KIAA1217: variants seen among roughly 807,000 people sequenced by gnomAD.
KIAA1217 encodes the protein sickle tail protein homolog.
A neutral mutation model predicts 163.9 loss-of-function variants in KIAA1217; 88 were observed. The ratio of observed to expected loss-of-function variants is 0.54; its 90% CI spans 0.45 to 0.64. The LOEUF (loss-of-function observed/expected upper bound fraction) is 0.64, where lower values mean the gene tolerates loss of function less well. Ranked by LOEUF, KIAA1217 falls within the 30% of genes least tolerant of loss-of-function variation. The pLI is 0.00. For missense variants in KIAA1217, 2,372 were observed against 2,475.0 expected, an observed-to-expected ratio of 0.96 and a Z score of 0.88; for synonymous variants, 903 against 923.1, an observed-to-expected ratio of 0.98 and a Z score of 0.39.
At chr10:23,993,806 C>T (rs1846338161) in intron 1 of KIAA1217, among the ~76,000 whole-genome samples, 1 of 151,914 alleles carries the variant, frequency 6.6e-6, no homozygotes, top group African/African-American at 2.4e-5. Context: ...TCTTGAACTC[C>T]AGACCTCAAG....
intron 2 of KIAA1217, among the ~76,000 whole-genome samples, chr10:24,372,308 AAAC>A (rs1321055222): frequency 1.3e-5 from 2 of 152,158 alleles, no homozygotes. Context: ...ACACATAAGA[AAAC>A]AACAACTGAG....
intron 1 of KIAA1217, among the ~76,000 whole-genome samples, chr10:23,988,192 G>A (rs527430530): frequency 7.9e-4 from 120 of 152,332 alleles, no homozygotes; most frequent in African/African-American, 2.8e-3. Flanking sequence ...GAGGGCTCCA[G>A]ATTAGTTTCT....
intron 3 of KIAA1217, among the ~76,000 whole-genome samples, chr10:24,392,201 A>C (rs188151186): frequency 4.6e-5 from 7 of 152,146 alleles, no homozygotes; most frequent in Admixed American, 4.6e-4. Flanking sequence ...GCATTATTAC[A>C]TGGATTGCAT....
chr10:24,229,411 G>A lies in KIAA1217; in HGVS notation c.354+9502G>A, dbSNP rs570349649. Among the ~76,000 whole-genome samples the A allele has an allele frequency of 4.9e-4, 74 of 152,306 alleles. 1 individual carries two copies. The highest frequency in any genetic ancestry group is 4.3e-3 in the Admixed American group (66 of 15,292). On this transcript the variant is annotated intron_variant, in intron 2 of 20. Coordinates refer to ENST00000376454, the MANE Select transcript of KIAA1217 (RefSeq NM_019590.5). ...TATTAATTTATTCTAATCCAATGGC[G>A]AAATGATGGGAGAATAGCCACATGT...
At chr10:23,974,322 G>A (rs1442211321) in intron 1 of KIAA1217, among the ~76,000 whole-genome samples, 1 of 152,176 alleles carries the variant, frequency 6.6e-6, no homozygotes, top group Non-Finnish European at 1.5e-5. Flanking sequence ...AGCCTCAAGA[G>A]ACCAGGGGCC....
chr10:23,929,915 C>A (rs533295852), intron 1 of KIAA1217, among the ~76,000 whole-genome samples: 1 of 152,240 alleles, frequency 6.6e-6, no homozygotes, highest in Admixed American at 6.5e-5. Flanking sequence ...AATTTATATT[C>A]CCACTGATAG....
At chr10:24,502,504 CA>C (rs2067795475) in intron 9 of KIAA1217, among the ~76,000 whole-genome samples, 1 of 152,080 alleles carries the variant, frequency 6.6e-6, no homozygotes, top group Non-Finnish European at 1.5e-5. Flanking sequence ...GTAAATCTGC[CA>C]AAGCAGAATA....
intron 2 of KIAA1217, among the ~76,000 whole-genome samples, chr10:24,074,241 C>T (rs529949397): frequency 6.6e-6 from 1 of 152,152 alleles, no homozygotes; most frequent in East Asian, 1.9e-4. Flanking sequence ...CCCAGTTACT[C>T]AGGAGGCTGA....
intron 1 of KIAA1217, among the ~76,000 whole-genome samples, chr10:23,736,403 C>G (rs1293801745): frequency 1.3e-5 from 2 of 152,152 alleles, no homozygotes; most frequent in African/African-American, 2.4e-5. Context: ...GCCGCCTTTG[C>G]CAAACATCAA....
At chr10:24,002,516 G>A (rs1000527442) in intron 1 of KIAA1217, among the ~76,000 whole-genome samples, 2 of 152,120 alleles carry the variant, frequency 1.3e-5, no homozygotes, top group Admixed American at 1.3e-4. Context: ...AGGCTCTGGC[G>A]GGGACCTCTG....
intron 2 of KIAA1217, chr10:24,255,495 A>G: frequency 4.4e-6 from 2 of 455,768 alleles, no homozygotes; most frequent in Middle Eastern, 3.3e-4. Context: ...ACATCTGGAC[A>G]TGAAGACCCA....
chr10:24,327,464 C>T (rs1185402684), intron 2 of KIAA1217, among the ~76,000 whole-genome samples: 1 of 151,966 alleles, frequency 6.6e-6, no homozygotes, highest in African/African-American at 2.4e-5. Context: ...ATTAATGTCT[C>T]TTCAATACTC....
At chr10:24,264,450 T>C (rs1194053793) in intron 2 of KIAA1217, among the ~76,000 whole-genome samples, 1 of 151,722 alleles carries the variant, frequency 6.6e-6, no homozygotes. Context: ...GTCAACAAAG[T>C]TGTGTCAGAC....
At chr10:24,078,824 G>A (rs1026983742) in intron 2 of KIAA1217, among the ~76,000 whole-genome samples, 8 of 152,174 alleles carry the variant, frequency 5.3e-5, no homozygotes, top group South Asian at 2.1e-4. Context: ...TCTGTGGCCC[G>A]TCTGTTCTTC....
At chr10:24,326,369 G>GA (rs1020190052) in intron 2 of KIAA1217, among the ~76,000 whole-genome samples, 12 of 150,664 alleles carry the variant, frequency 8.0e-5, no homozygotes, top group South Asian at 6.3e-4. Flanking sequence ...CTGGAAGAAT[G>GA]AAAAAAAAAC....
At chr10:24,014,038 C>T (rs1440168700) in intron 2 of KIAA1217, among the ~76,000 whole-genome samples, 1 of 152,090 alleles carries the variant, frequency 6.6e-6, no homozygotes, top group African/African-American at 2.4e-5. Flanking sequence ...GTTATACTTT[C>T]TTGACAGGCA....
intron 2 of KIAA1217, among the ~76,000 whole-genome samples, chr10:24,076,671 A>T (rs555548397): frequency 2.6e-5 from 4 of 152,144 alleles, no homozygotes; most frequent in Admixed American, 2.0e-4. Context: ...CACAGTCAGG[A>T]TTCTCTGTCT....
chr10:24,521,844 C>A lies in KIAA1217; in HGVS notation c.2371C>A (p.Arg791=). Residue 791 remains arginine (R), a synonymous_variant, in exon 12 of 21, where the codon CGG becomes AGG. Coordinates refer to ENST00000376454, the MANE Select transcript of KIAA1217 (RefSeq NM_019590.5). ...AILRIEVEAV[R]FLKEEPHKLD... is the part of the protein sequence containing the mutation. ...CCTGCGCATAGAAGTGGAGGCCGTG[C>A]GGTTTCTGAAGGAGGAGCCACACAA... The A allele has an allele frequency of 1.2e-6, 2 of 1,613,746 alleles. No individual in the cohort carries two copies. The highest frequency in any genetic ancestry group is 1.7e-6 in the Non-Finnish European group (2 of 1,179,980).
chr10:23,959,573 T>G (rs1844728943), intron 1 of KIAA1217, among the ~76,000 whole-genome samples: 1 of 152,096 alleles, frequency 6.6e-6, no homozygotes, highest in Non-Finnish European at 1.5e-5. Flanking sequence ...ACACACACAT[T>G]TATTTATTTC....
Sources: gnomAD v4.1 joint callset for allele counts (sites outside exome capture counted in the v4.1 genomes callset) on GRCh38, gnomAD v4.1.1 for gene constraint, MANE v1.5 for transcripts, NCBI Gene and HGNC (gene_info 2026-07-23, HGNC 2026-07-21) for gene names.